The following GREM2 variants were observed in gnomAD, a reference collection of about 807,000 sequenced individuals.
GREM2 encodes the protein gremlin-2.
In GREM2, 11 loss-of-function variants were observed where a neutral mutation model predicts 14.2. The observed-to-expected ratio is 0.78, with a 90% CI of 0.49 to 1.28. The LOEUF (loss-of-function observed/expected upper bound fraction) is 1.28, where lower values mean the gene tolerates loss of function less well. Among genes scored for constraint, GREM2 ranks in the 50% most tolerant of loss-of-function variants. The pLI, the probability that GREM2 is intolerant of heterozygous loss-of-function variation, is 0.00. For missense variants in GREM2, 210 were observed against 218.5 expected (o/e 0.96, Z 0.24); for synonymous variants, 98 against 97.6 (o/e 1.00, Z -0.02).
chr1:240,530,279 G>A (rs1678321419), intron 1 of GREM2, among the ~76,000 whole-genome samples: 1 of 152,152 alleles, frequency 6.6e-6, no homozygotes, highest in Non-Finnish European at 1.5e-5. Context: ...CAGATTTCCT[G>A]AATTCTCAGA....
rs528362507 is a variant in GREM2, at chr1:240,514,959, C to T, written c.-1-21483G>A. Among the ~76,000 whole-genome samples the T allele has an allele frequency of 6.7e-3, 579 of 86,998 alleles. 5 individuals are homozygous for T. Among genetic ancestry groups the T allele is most frequent in the Non-Finnish European group, 0.011 (445 of 41,054 alleles). 57.1% of individuals were successfully genotyped at this position (86,998 alleles called of 152,430 possible). ...CTATCTCAAACAACAAACAAACAAA[C>T]AAACACAAAAAAAAAACTGAACAAA... On this transcript the variant is annotated intron_variant, in intron 1 of 1. Coordinates refer to ENST00000318160, the MANE Select transcript of GREM2 (RefSeq NM_022469.4).
chr1:240,593,891 G>A (rs552254505), intron 1 of GREM2, among the ~76,000 whole-genome samples: 3 of 151,828 alleles, frequency 2.0e-5, no homozygotes, highest in South Asian at 2.1e-4. Context: ...AGTGTTAATC[G>A]CACCCTCTTT....
intron 1 of GREM2, among the ~76,000 whole-genome samples, chr1:240,493,702 A>AT (rs138151479): frequency 0.36 from 54,148 of 150,616 alleles, 10,700 homozygotes; most frequent in East Asian, 0.47. Flanking sequence ...CTTTCTTTTT[A>AT]TTTTTTTTTG....
chr1:240,518,007 G>T (rs1257412073), intron 1 of GREM2, among the ~76,000 whole-genome samples: 6 of 152,092 alleles, frequency 3.9e-5, no homozygotes, highest in African/African-American at 1.4e-4. Flanking sequence ...CTCCTACATA[G>T]ACCCACTGCC....
intron 1 of GREM2, among the ~76,000 whole-genome samples, chr1:240,532,546 A>C (rs553300750): frequency 4.8e-4 from 73 of 152,316 alleles, no homozygotes; most frequent in African/African-American, 1.7e-3. Flanking sequence ...AATTTAAAGC[A>C]ATCTGCCAGA....
chr1:240,571,216 TC>T (rs1312801288), intron 1 of GREM2, among the ~76,000 whole-genome samples: 1 of 152,208 alleles, frequency 6.6e-6, no homozygotes, highest in Non-Finnish European at 1.5e-5. Flanking sequence ...ACAGGCAGAA[TC>T]AACTGGTAGA....
chr1:240,563,360 T>C (rs1679112865), intron 1 of GREM2, among the ~76,000 whole-genome samples: 2 of 152,198 alleles, frequency 1.3e-5, no homozygotes, highest in Non-Finnish European at 2.9e-5. Flanking sequence ...GCTAGGTTCA[T>C]GGTGGATGGA....
At chr1:240,560,264 C>A (rs1473795653) in intron 1 of GREM2, among the ~76,000 whole-genome samples, 7 of 152,262 alleles carry the variant, frequency 4.6e-5, no homozygotes, top group Non-Finnish European at 1.0e-4. Flanking sequence ...AATATGACAA[C>A]CAGTGCAGTT....
intron 1 of GREM2, among the ~76,000 whole-genome samples, chr1:240,561,706 A>ACG (rs781353531): frequency 6.6e-6 from 1 of 151,778 alleles, no homozygotes; most frequent in Non-Finnish European, 1.5e-5. Context: ...ACACACACAC[A>ACG]CACACACACA....
intron 1 of GREM2, among the ~76,000 whole-genome samples, chr1:240,494,745 CA>C (rs1486039649): frequency 1.3e-5 from 2 of 151,844 alleles, no homozygotes; most frequent in Admixed American, 6.6e-5. Context: ...ACTAAAAATA[CA>C]AAAAATTAGC....
At chr1:240,582,463 T>G (rs1190294060) in intron 1 of GREM2, among the ~76,000 whole-genome samples, 2 of 151,364 alleles carry the variant, frequency 1.3e-5, no homozygotes, top group Non-Finnish European at 2.9e-5. Flanking sequence ...GAGTTTAAGA[T>G]ATTGAATTCT....
intron 1 of GREM2, among the ~76,000 whole-genome samples, chr1:240,506,465 T>C (rs932321592): frequency 6.6e-6 from 1 of 152,170 alleles, no homozygotes; most frequent in Non-Finnish European, 1.5e-5. Context: ...TGACAACTGA[T>C]GCTGAATTCA....
At chr1:240,561,042 A>G (rs1679027055) in intron 1 of GREM2, among the ~76,000 whole-genome samples, 1 of 152,214 alleles carries the variant, frequency 6.6e-6, no homozygotes. Flanking sequence ...GACTTAAGAA[A>G]TAGATAAGCA....
At chr1:240,516,792 G>A (rs1483441683) in intron 1 of GREM2, among the ~76,000 whole-genome samples, 1 of 152,142 alleles carries the variant, frequency 6.6e-6, no homozygotes, top group Non-Finnish European at 1.5e-5. Flanking sequence ...CCTTAATTCT[G>A]AGCCAGAATT....
intron 1 of GREM2, among the ~76,000 whole-genome samples, chr1:240,537,051 G>A (rs1678489101): frequency 6.6e-6 from 1 of 152,210 alleles, no homozygotes; most frequent in Admixed American, 6.5e-5. Flanking sequence ...AGCACTTTTA[G>A]TTGTGCTGTA....
intron 1 of GREM2, among the ~76,000 whole-genome samples, chr1:240,573,350 A>G (rs967370870): frequency 6.6e-5 from 10 of 152,068 alleles, no homozygotes; most frequent in African/African-American, 2.4e-4. Context: ...ATCGTAAATA[A>G]GGACAGAATC....
chr1:240,589,326 T>A (rs1436834292), intron 1 of GREM2, among the ~76,000 whole-genome samples: 1 of 151,412 alleles, frequency 6.6e-6, no homozygotes, highest in Non-Finnish European at 1.5e-5. Context: ...TCCCAGCTAC[T>A]CGGGGGTCTG....
intron 1 of GREM2, among the ~76,000 whole-genome samples, chr1:240,555,320 A>C (rs1678934813): frequency 6.6e-6 from 1 of 152,186 alleles, no homozygotes; most frequent in Non-Finnish European, 1.5e-5. Flanking sequence ...TTTGGTTTTG[A>C]CATCTGTAAT....
intron 1 of GREM2, among the ~76,000 whole-genome samples, chr1:240,591,328 C>T (rs1298805005): frequency 6.6e-6 from 1 of 152,146 alleles, no homozygotes; most frequent in Non-Finnish European, 1.5e-5. Flanking sequence ...GTACAAGGGA[C>T]TCAATAAACG....
Sources: gnomAD v4.1 joint callset for allele counts (sites outside exome capture counted in the v4.1 genomes callset) on GRCh38, gnomAD v4.1.1 for gene constraint, MANE v1.5 for transcripts, NCBI Gene and HGNC (gene_info 2026-07-23, HGNC 2026-07-21) for gene names.